WWC1: variants seen among roughly 807,000 people sequenced by gnomAD.
WWC1 encodes the protein protein KIBRA.
WWC1 carries 55 observed loss-of-function variants against 138.4 expected under a neutral mutation model. That is an observed-to-expected ratio of 0.40 (90% CI 0.32 to 0.50). The LOEUF (loss-of-function observed/expected upper bound fraction) is 0.50, where lower values mean the gene tolerates loss of function less well. Among genes scored for constraint, WWC1 ranks in the 20% least tolerant of loss-of-function variants. The probability of loss-of-function intolerance (pLI) is 0.72; values close to 1 mark genes in which losing one functional copy is unlikely to be tolerated. For missense variants in WWC1, 1,226 were observed against 1,420.4 expected (o/e 0.86, Z 2.20); for synonymous variants, 524 against 564.9 (o/e 0.93, Z 1.03).
At chr5:168,434,936 A>G (rs1368732130) in intron 15 of WWC1, among the ~76,000 whole-genome samples, 1 of 152,002 alleles carries the variant, frequency 6.6e-6, no homozygotes, top group Non-Finnish European at 1.5e-5. Flanking sequence ...TTGGCATACT[A>G]ACTTGGCAAA....
chr5:168,341,766 G>A (rs1774057606), intron 1 of WWC1, among the ~76,000 whole-genome samples: 1 of 152,072 alleles, frequency 6.6e-6, no homozygotes, highest in African/African-American at 2.4e-5. Context: ...CCTGCCAGGT[G>A]TTCAGATGCT....
At chr5:168,338,473 G>A (rs1016802202) in intron 1 of WWC1, among the ~76,000 whole-genome samples, 7 of 149,604 alleles carry the variant, frequency 4.7e-5, no homozygotes, top group South Asian at 4.4e-4. Flanking sequence ...GTGCAGAGGC[G>A]CCATCTCAGC....
intron 3 of WWC1, among the ~76,000 whole-genome samples, chr5:168,385,874 C>T (rs1778005555): frequency 6.6e-6 from 1 of 152,182 alleles, no homozygotes; most frequent in South Asian, 2.1e-4. Flanking sequence ...TCAAAACAAT[C>T]AAATGCCCTT....
chr5:168,333,591 G>C (rs561752424), intron 1 of WWC1, among the ~76,000 whole-genome samples: 1 of 152,158 alleles, frequency 6.6e-6, no homozygotes, highest in Non-Finnish European at 1.5e-5. Context: ...AGGCTGCTCT[G>C]AAGTGCTATC....
At chr5:168,325,703 C>T (rs553525693) in intron 1 of WWC1, among the ~76,000 whole-genome samples, 3 of 152,206 alleles carry the variant, frequency 2.0e-5, no homozygotes, top group East Asian at 1.9e-4. Flanking sequence ...CCATTTTCAA[C>T]GGTAGAGTTT....
At chr5:168,309,067 G>A (rs1770822099) in intron 1 of WWC1, among the ~76,000 whole-genome samples, 1 of 152,090 alleles carries the variant, frequency 6.6e-6, no homozygotes, top group Non-Finnish European at 1.5e-5. Flanking sequence ...TTCCAGAAGT[G>A]TCACCAGGGG....
At chr5:168,437,534 T>C (rs1005536919) in intron 15 of WWC1, among the ~76,000 whole-genome samples, 2 of 152,168 alleles carry the variant, frequency 1.3e-5, no homozygotes, top group African/African-American at 4.8e-5. Flanking sequence ...GATGCAAATA[T>C]AAGGTCATGG....
Position 168,471,564 on chromosome 5 carries a change from G to A in WWC1, c.*2547G>A, listed in dbSNP as rs145276992. On this transcript the variant is annotated 3_prime_UTR_variant, in exon 23 of 23. Transcript: ENST00000265293. ...ACCCCATGATCTTTTCTGCCCTTCTGTTAAGGGCATTGGCCACAGCAACGG... is the reference window on the plus strand; with the variant it reads ...ACCCCATGATCTTTTCTGCCCTTCTATTAAGGGCATTGGCCACAGCAACGG... The A allele has an allele frequency of 6.6e-6, 1 of 152,300 alleles. No homozygotes were observed. The highest frequency in any genetic ancestry group is 1.5e-5 in the Non-Finnish European group (1 of 68,092). 9.4% of individuals were successfully genotyped at this position (152,300 alleles called of 1,614,324 possible).
chr5:168,386,423 C>T (rs954138876), intron 3 of WWC1, among the ~76,000 whole-genome samples: 9 of 150,074 alleles, frequency 6.0e-5, no homozygotes, highest in South Asian at 2.1e-4. Flanking sequence ...GACGGAGTCT[C>T]GCTCTGTTGC....
chr5:168,321,723 G>A (rs552190811), intron 1 of WWC1, among the ~76,000 whole-genome samples: 2 of 152,082 alleles, frequency 1.3e-5, no homozygotes, highest in African/African-American at 4.8e-5. Context: ...TTTTAGTAGA[G>A]ACAGGGTTTC....
intron 1 of WWC1, among the ~76,000 whole-genome samples, chr5:168,318,435 A>G (rs1156759249): frequency 1.3e-5 from 2 of 152,132 alleles, no homozygotes; most frequent in Non-Finnish European, 2.9e-5. Flanking sequence ...CCATCTTTAG[A>G]ACGCTCTTCA....
chr5:168,420,726 C>T (rs890744521), intron 9 of WWC1, among the ~76,000 whole-genome samples: 2 of 152,192 alleles, frequency 1.3e-5, no homozygotes. Flanking sequence ...GCAGTAACCG[C>T]ACAGTCTTCC....
chr5:168,331,168 G>A (rs563955243), intron 1 of WWC1, among the ~76,000 whole-genome samples: 12 of 152,328 alleles, frequency 7.9e-5, no homozygotes, highest in Admixed American at 5.9e-4. Flanking sequence ...GGAGTACCTT[G>A]TGGACACTGA....
At chr5:168,405,730 C>CTT (rs540999364) in intron 5 of WWC1, among the ~76,000 whole-genome samples, 14 of 132,072 alleles carry the variant, frequency 1.1e-4, no homozygotes, top group Non-Finnish European at 1.5e-4. Flanking sequence ...TTCTTTCTTT[C>CTT]TTTTTTTTTT....
chr5:168,330,131 A>C (rs1772906353), intron 1 of WWC1, among the ~76,000 whole-genome samples: 1 of 152,158 alleles, frequency 6.6e-6, no homozygotes, highest in South Asian at 2.1e-4. Context: ...AAACAAAAAC[A>C]GCTGTGGCTT....
At chr5:168,446,671 C>G (rs199926106) in intron 17 of WWC1, among the ~76,000 whole-genome samples, 1 of 152,188 alleles carries the variant, frequency 6.6e-6, no homozygotes, top group African/African-American at 2.4e-5. Flanking sequence ...GCAAGTCGCT[C>G]TAACCTTGTC....
chr5:168,294,439 G>C lies in WWC1; in HGVS notation c.119+2168G>C, dbSNP rs7737955. On this transcript the variant is annotated intron_variant, in intron 1 of 22. Transcript: ENST00000265293. ...GCAAACAAAAAAAACAAAAAACCAG[G>C]GTTAGTATATTTTAGCTAGGTACTG... 4.7e-3 allele frequency among the ~76,000 whole-genome samples: 719 copies of C among 152,184 alleles called. 4 individuals carry two copies. Among genetic ancestry groups the C allele is most frequent in the Middle Eastern group, 0.017 (5 of 294 alleles).
chr5:168,423,557 G>C lies in WWC1; in HGVS notation c.1299G>C (p.Leu433=). ...GTCTCTCAAGCAGCATGCAGTCCCT[G>C]TCCTCAGGCAGCAGCCCCGGATCCC... ...LKSLSSSMQS[L]SSGSSPGSLT... The change falls in exon 11 of 23, where the codon CTG becomes CTC. Residue 433 remains leucine, a synonymous_variant. Transcript: ENST00000265293. 6.2e-7 allele frequency: 1 copy of C among 1,613,334 alleles called. No individual in the cohort carries two copies. Among genetic ancestry groups the C allele is most frequent in the Non-Finnish European group, 8.5e-7 (1 of 1,179,604 alleles).
intron 19 of WWC1, among the ~76,000 whole-genome samples, chr5:168,457,446 T>A (rs150644079): frequency 6.6e-6 from 1 of 152,262 alleles, no homozygotes; most frequent in East Asian, 1.9e-4. Context: ...CCCTGCCCCC[T>A]CCACAGCCAG....
Sources: allele counts gnomAD v4.1 joint callset (sites outside exome capture counted in the v4.1 genomes callset), GRCh38; gene constraint gnomAD v4.1.1; transcripts MANE v1.5; gene names NCBI Gene and HGNC (gene_info 2026-07-23, HGNC 2026-07-21).